DTNBP1: variants seen among roughly 807,000 people sequenced by gnomAD.
DTNBP1 encodes dystrobrevin binding protein 1.
A neutral mutation model predicts 42.8 loss-of-function variants in DTNBP1; 35 were observed. The observed-to-expected ratio is 0.82, with a 90% CI of 0.63 to 1.09. The LOEUF is 1.09. Among genes scored for constraint, DTNBP1 ranks in the 50% least tolerant of loss-of-function variants. DTNBP1 has a pLI of 0.00. For synonymous variants in DTNBP1, 171 were observed against 162.2 expected (o/e 1.05, Z -0.41); for missense variants, 457 against 424.2 (o/e 1.08, Z -0.68).
At chr6:15,567,489 CAAA>C in intron 7 of DTNBP1, among the ~76,000 whole-genome samples, 1 of 144,414 alleles carries the variant, frequency 6.9e-6, no homozygotes, top group Non-Finnish European at 1.5e-5. Flanking sequence ...AACAAACAAA[CAAA>C]CAAACCTTGG....
chr6:15,633,057 T>C (rs1759784719), intron 4 of DTNBP1, among the ~76,000 whole-genome samples: 2 of 152,210 alleles, frequency 1.3e-5, no homozygotes, highest in South Asian at 4.1e-4. Context: ...TCATAATTGT[T>C]AGAAATTTAA....
At chr6:15,572,172 C>A (rs1775366599) in intron 7 of DTNBP1, among the ~76,000 whole-genome samples, 1 of 151,924 alleles carries the variant, frequency 6.6e-6, no homozygotes, top group Non-Finnish European at 1.5e-5. Flanking sequence ...TCATTTTTTT[C>A]TCATACAAAT....
intron 7 of DTNBP1, among the ~76,000 whole-genome samples, chr6:15,547,429 C>T (rs1052044514): frequency 1.1e-4 from 17 of 152,152 alleles, no homozygotes; most frequent in African/African-American, 3.4e-4. Context: ...CTGCTCTAGA[C>T]GAACTACATC....
In DTNBP1 at chr6:15,627,491, A is replaced by AG. The variant is rs763304206; in HGVS notation, c.223-17dup. 3.1e-6 allele frequency: 5 copies of AG among 1,613,626 alleles called. No individual in the cohort carries two copies. The highest frequency in any genetic ancestry group is 1.1e-5 in the South Asian group (1 of 91,072). On this transcript the variant is annotated splice_polypyrimidine_tract_variant and intron_variant, in intron 4 of 9. Coordinates refer to ENST00000344537, the MANE Select transcript of DTNBP1 (RefSeq NM_032122.5). ...TATCCACCAGCTGCAGCACACAAGA[A>AG]GGGGGGTAAAGTGAAACCAGGTTTT...
chr6:15,619,694 G>C (rs1227081982), intron 5 of DTNBP1, among the ~76,000 whole-genome samples: 1 of 152,014 alleles, frequency 6.6e-6, no homozygotes, highest in African/African-American at 2.4e-5. Flanking sequence ...TTTTATTAAT[G>C]AAGATTTTAT....
intron 7 of DTNBP1, among the ~76,000 whole-genome samples, chr6:15,553,629 TC>T: frequency 1.0e-5 from 1 of 96,606 alleles, no homozygotes; most frequent in Admixed American, 1.4e-4. Context: ...CTTTGCCATT[TC>T]TTAAATTTTC....
Position 15,627,416 on chromosome 6 carries a change from G to C in DTNBP1, c.282C>G (p.Leu94=), listed in dbSNP as rs753298238. Residue 94 remains leucine, a synonymous_variant, in exon 5 of 10, where the codon CTC becomes CTG. Coordinates refer to ENST00000344537, the MANE Select transcript of DTNBP1 (RefSeq NM_032122.5). ...SAHWEKKKTS[L]VELQEQLQQL... ...GCTGGAGCTGCTCTTGCAGCTCCAC[G>C]AGGCTTGTCTTTTTCTTCTCCCAGT... 5.0e-6 allele frequency: 8 copies of C among 1,613,918 alleles called. No individual in the cohort carries two copies. Among genetic ancestry groups the C allele is most frequent in the Non-Finnish European group, 6.8e-6 (8 of 1,179,946 alleles).
chr6:15,573,859 A>C (rs1276157858), intron 7 of DTNBP1, among the ~76,000 whole-genome samples: 1 of 151,968 alleles, frequency 6.6e-6, no homozygotes, highest in Non-Finnish European at 1.5e-5. Flanking sequence ...GGTGCCCACC[A>C]CCATGCCTGG....
At chr6:15,656,670 C>G (rs1481437756) in intron 1 of DTNBP1, among the ~76,000 whole-genome samples, 1 of 152,080 alleles carries the variant, frequency 6.6e-6, no homozygotes, top group East Asian at 1.9e-4. Flanking sequence ...ATTGCTTGAA[C>G]CCAGGAGGTT....
chr6:15,615,504 T>C, intron 5 of DTNBP1, 105 bp from the exon 6 acceptor site: 2 of 1,467,286 alleles, frequency 1.4e-6, no homozygotes, highest in Non-Finnish European at 1.9e-6. Context: ...GAGATTGTTT[T>C]GCATTTTTAA....
intron 6 of DTNBP1, among the ~76,000 whole-genome samples, chr6:15,593,665 A>C (rs1252463672): frequency 6.6e-6 from 1 of 152,222 alleles, no homozygotes; most frequent in Non-Finnish European, 1.5e-5. Context: ...CCAAAACACA[A>C]AGTTTCCTGG....
At chr6:15,529,365 T>C (rs1166600027) in intron 8 of DTNBP1, among the ~76,000 whole-genome samples, 2 of 152,234 alleles carry the variant, frequency 1.3e-5, no homozygotes, top group Non-Finnish European at 2.9e-5. Flanking sequence ...ATGAATAAAT[T>C]ACATTTATTC....
chr6:15,615,947 AAC>A (rs1488473663), intron 5 of DTNBP1, among the ~76,000 whole-genome samples: 1 of 152,238 alleles, frequency 6.6e-6, no homozygotes, highest in Non-Finnish European at 1.5e-5. Flanking sequence ...TTGGGTGAGG[AAC>A]AGACTTTGCT....
chr6:15,553,103 G>A (rs1201991798), intron 7 of DTNBP1, among the ~76,000 whole-genome samples: 1 of 152,146 alleles, frequency 6.6e-6, no homozygotes. Context: ...GAAAAAAGCA[G>A]TTTGCCTGAA....
At position 15,522,960 on chromosome 6, in the gene DTNBP1, C is replaced by T. The variant is rs200627044; in HGVS notation, c.*15G>A. 1.3e-4 allele frequency: 215 copies of T among 1,614,086 alleles called. No individual in the cohort carries two copies. The highest frequency in any genetic ancestry group is 1.6e-4 in the Middle Eastern group (1 of 6,082). ...ACTGGATTCCAGTGTGGCCAGACAA[C>T]GCCCATGTCCCAATTTAAGAGTCGC... On this transcript the variant is annotated 3_prime_UTR_variant, in exon 10 of 10. Coordinates refer to ENST00000344537, the MANE Select transcript of DTNBP1 (RefSeq NM_032122.5).
At chr6:15,619,172 A>G (rs1758896394) in intron 5 of DTNBP1, among the ~76,000 whole-genome samples, 1 of 152,184 alleles carries the variant, frequency 6.6e-6, no homozygotes, top group Non-Finnish European at 1.5e-5. Context: ...TAGGGAGAGT[A>G]TAACAATTTA....
Position 15,572,705 on chromosome 6 carries a change from T to C in DTNBP1, c.511+20354A>G, listed in dbSNP as rs139759231. ...AACATCCAAGCTAGCATTTCAGCAC[T>C]CCCAGTCTGGCTCTAGATTCCATGT... is the stretch of plus-strand genomic sequence containing the variant. On this transcript the variant is annotated intron_variant, in intron 7 of 9. Coordinates refer to ENST00000344537, the MANE Select transcript of DTNBP1 (RefSeq NM_032122.5). 6.2e-3 allele frequency among the ~76,000 whole-genome samples: 950 copies of C among 152,220 alleles called. 9 individuals carry two copies. Among genetic ancestry groups the C allele is most frequent in the South Asian group, 0.038 (183 of 4,824 alleles).
intron 1 of DTNBP1, chr6:15,660,460 C>T: frequency 2.3e-6 from 3 of 1,289,784 alleles, no homozygotes; most frequent in Non-Finnish European, 3.0e-6. Flanking sequence ...AGTTGTTTCT[C>T]CACCAGGTGA....
At chr6:15,569,729 T>C (rs1403345520) in intron 7 of DTNBP1, among the ~76,000 whole-genome samples, 3 of 152,222 alleles carry the variant, frequency 2.0e-5, no homozygotes, top group Non-Finnish European at 4.4e-5. Flanking sequence ...AGCTCTGTAC[T>C]TCCTGAGAAC....
Sources: gnomAD v4.1 joint callset for allele counts (sites outside exome capture counted in the v4.1 genomes callset) on GRCh38, gnomAD v4.1.1 for gene constraint, MANE v1.5 for transcripts, NCBI Gene and HGNC (gene_info 2026-07-23, HGNC 2026-07-21) for gene names.